NPAS3: variants seen among roughly 807,000 people sequenced by gnomAD.
The protein encoded by NPAS3 is neuronal PAS domain-containing protein 3.
In NPAS3, 14 loss-of-function variants were observed where a neutral mutation model predicts 73.1. The observed-to-expected ratio is 0.19, with a 90% CI of 0.13 to 0.30. The LOEUF is 0.30. Among genes scored for constraint, NPAS3 ranks in the 10% least tolerant of loss-of-function variants. NPAS3 has a pLI of 1.00. For synonymous variants in NPAS3, 620 were observed against 541.5 expected (o/e 1.14, Z -2.01); for missense variants, 1,096 against 1,250.0 (o/e 0.88, Z 1.86).
intron 5 of NPAS3, among the ~76,000 whole-genome samples, chr14:33,667,193 C>T (rs777614678): frequency 2.0e-5 from 3 of 152,088 alleles, no homozygotes; most frequent in South Asian, 2.1e-4. Flanking sequence ...TAGCATATTA[C>T]GAATCAGAGC....
chr14:33,172,898 C>A (rs1377287704), intron 2 of NPAS3, among the ~76,000 whole-genome samples: 1 of 151,996 alleles, frequency 6.6e-6, no homozygotes, highest in African/African-American at 2.4e-5. Flanking sequence ...CATGTGATTA[C>A]TAAATTTCTG....
chr14:33,587,333 A>G (rs1243698415), intron 5 of NPAS3, among the ~76,000 whole-genome samples: 1 of 152,210 alleles, frequency 6.6e-6, no homozygotes. Context: ...TGACAGATGT[A>G]GAAATTCCTT....
chr14:33,532,954 G>T (rs1405807850), intron 4 of NPAS3, among the ~76,000 whole-genome samples: 3 of 152,064 alleles, frequency 2.0e-5, no homozygotes, highest in South Asian at 4.1e-4. Context: ...AACTGAGATT[G>T]CACAAAGGGA....
chr14:33,095,818 A>G (rs369676008), intron 2 of NPAS3, among the ~76,000 whole-genome samples: 15,106 of 151,058 alleles, frequency 0.1, 1,219 homozygotes, highest in African/African-American at 0.22. Context: ...ACAGGCGCCC[A>G]CCACCATGCC....
At chr14:33,475,506 T>G (rs755589997) in intron 4 of NPAS3, among the ~76,000 whole-genome samples, 2 of 151,006 alleles carry the variant, frequency 1.3e-5, no homozygotes, top group Non-Finnish European at 2.9e-5. Flanking sequence ...CTTTAAGTTT[T>G]TATGTGTCTG....
At chr14:33,353,825 G>A (rs1036456314) in intron 3 of NPAS3, among the ~76,000 whole-genome samples, 4 of 152,160 alleles carry the variant, frequency 2.6e-5, no homozygotes, top group Admixed American at 2.0e-4. Flanking sequence ...AGAAGGGACA[G>A]AGGTTTTGGG....
chr14:33,330,184 A>G (rs796903984), intron 3 of NPAS3, among the ~76,000 whole-genome samples: 1 of 152,144 alleles, frequency 6.6e-6, no homozygotes. Context: ...CAGAAGCTGC[A>G]GTGAGCCAAG....
intron 5 of NPAS3, among the ~76,000 whole-genome samples, chr14:33,575,149 T>A (rs183970246): frequency 6.6e-6 from 1 of 152,218 alleles, no homozygotes; most frequent in African/African-American, 2.4e-5. Flanking sequence ...ATGGATTCCA[T>A]TGTAGACCAA....
chr14:33,079,411 C>T (rs1481100440), intron 2 of NPAS3, among the ~76,000 whole-genome samples: 4 of 148,866 alleles, frequency 2.7e-5, no homozygotes, highest in African/African-American at 7.4e-5. Flanking sequence ...CTCCGCCTCC[C>T]GAGTTCAAGC....
chr14:33,721,514 G>GA (rs2061110865), intron 6 of NPAS3, among the ~76,000 whole-genome samples: 1 of 152,120 alleles, frequency 6.6e-6, no homozygotes, highest in Non-Finnish European at 1.5e-5. Context: ...ACACTTACCA[G>GA]AAGAGACTAA....
intron 3 of NPAS3, among the ~76,000 whole-genome samples, chr14:33,290,097 T>C (rs75972807): frequency 0.053 from 8,090 of 152,258 alleles, 238 homozygotes; most frequent in East Asian, 0.12. Context: ...AATACATGTT[T>C]AGTATTTTTA....
At chr14:33,337,968 T>TG (rs1045379489) in intron 3 of NPAS3, among the ~76,000 whole-genome samples, 3 of 151,090 alleles carry the variant, frequency 2.0e-5, no homozygotes, top group Non-Finnish European at 3.0e-5. Flanking sequence ...TAGGAATTTT[T>TG]TTTTGTAGAT....
At chr14:33,565,373 T>C (rs1031013619) in intron 5 of NPAS3, among the ~76,000 whole-genome samples, 4 of 152,230 alleles carry the variant, frequency 2.6e-5, no homozygotes, top group African/African-American at 7.2e-5. Flanking sequence ...AAGGGAACCA[T>C]GGTGCCAAAT....
chr14:33,048,202 G>C (rs1294493218), intron 1 of NPAS3, among the ~76,000 whole-genome samples: 1 of 152,194 alleles, frequency 6.6e-6, no homozygotes, highest in Non-Finnish European at 1.5e-5. Context: ...CTACTGTGCA[G>C]ATCATTTTGA....
chr14:32,956,505 A>G (rs1482321101), intron 1 of NPAS3, among the ~76,000 whole-genome samples: 1 of 152,226 alleles, frequency 6.6e-6, no homozygotes, highest in Non-Finnish European at 1.5e-5. Flanking sequence ...CTAAACCTTG[A>G]TAAACTTGCT....
At chr14:33,481,921 G>T (rs1363919204) in intron 4 of NPAS3, among the ~76,000 whole-genome samples, 3 of 151,986 alleles carry the variant, frequency 2.0e-5, no homozygotes, top group Non-Finnish European at 4.4e-5. Context: ...ATGTAAAAAG[G>T]CAAGAAAAGA....
chr14:33,393,363 G>T (rs1303470), intron 4 of NPAS3, among the ~76,000 whole-genome samples: 1 of 151,900 alleles, frequency 6.6e-6, no homozygotes, highest in Admixed American at 6.6e-5. Context: ...CCACTGATTC[G>T]CATTTTTATG....
In NPAS3 at chr14:33,208,574, G is replaced by C. The variant is rs1396920060; in HGVS notation, c.141-6608G>C. Among the ~76,000 whole-genome samples the C allele has an allele frequency of 2.0e-5, 3 of 152,204 alleles. No individual in the cohort carries two copies. The East Asian group carries it at 5.8e-4, about 29-fold the overall frequency. On this transcript the variant is annotated intron_variant, in intron 2 of 11. Transcript: ENST00000356141. ...AACTCTAAGTATACATCTTGATGTT[G>C]ATACTTTATCAAATGTTAGCAGTTG...
At chr14:33,130,275 C>T (rs2043586309) in intron 2 of NPAS3, among the ~76,000 whole-genome samples, 1 of 152,104 alleles carries the variant, frequency 6.6e-6, no homozygotes, top group Non-Finnish European at 1.5e-5. Flanking sequence ...GTTACTCTCC[C>T]CCCTTATTTA....
Sources: allele counts gnomAD v4.1 joint callset (sites outside exome capture counted in the v4.1 genomes callset), GRCh38; gene constraint gnomAD v4.1.1; transcripts MANE v1.5; gene names NCBI Gene and HGNC (gene_info 2026-07-23, HGNC 2026-07-21).